The following RARS1 variants were observed in gnomAD, a reference collection of about 807,000 sequenced individuals.
RARS1 encodes the protein arginyl-tRNA synthetase 1.
Under a neutral mutation model 78.7 loss-of-function variants are expected in RARS1, and 75 were observed. The observed-to-expected ratio is 0.95, with a 90% CI of 0.79 to 1.15. RARS1 has a LOEUF of 1.15. Among genes scored for constraint, RARS1 ranks in the 50% most tolerant of loss-of-function variants. The probability of loss-of-function intolerance (pLI) is 0.00; values close to 1 mark genes in which losing one functional copy is unlikely to be tolerated. For synonymous variants in RARS1, 273 were observed against 268.2 expected (o/e 1.02, Z -0.18); for missense variants, 787 against 787.5 (o/e 1.00, Z 0.01).
chr5:168,512,062 G>C (rs1031020194), intron 12 of RARS1, among the ~76,000 whole-genome samples: 3 of 151,926 alleles, frequency 2.0e-5, no homozygotes, highest in Non-Finnish European at 2.9e-5. Flanking sequence ...ATGGAGTTTT[G>C]CCATGTTGGA....
Position 168,493,899 on chromosome 5 carries a change from C to A in RARS1, c.375C>A (p.Leu125=). 1 of 1,609,452 alleles carries A rather than the reference C, an allele frequency of 6.2e-7. No homozygotes were observed. The highest frequency in any genetic ancestry group is 8.5e-7 in the Non-Finnish European group (1 of 1,176,088). Residue 125 remains leucine, a synonymous_variant, in exon 4 of 15, where the codon CTC becomes CTA. Coordinates refer to ENST00000231572, the MANE Select transcript of RARS1 (RefSeq NM_002887.4). ...CATTTTATATTGTGTTGTAGATGCT[C>A]AAAACCAAGGAACAGAAAGTTAATC... ...CNSAMGISQM[L]KTKEQKVNPR...
At chr5:168,507,955 G>A (rs1055839038) in intron 11 of RARS1, among the ~76,000 whole-genome samples, 9 of 151,876 alleles carry the variant, frequency 5.9e-5, no homozygotes, top group Non-Finnish European at 1.2e-4. Flanking sequence ...GAGCATCGAC[G>A]TGGAAGTTAC....
At chr5:168,513,528 C>T (rs1758606532) in intron 12 of RARS1, among the ~76,000 whole-genome samples, 1 of 152,066 alleles carries the variant, frequency 6.6e-6, no homozygotes. Context: ...CCATGTTGGC[C>T]AGGCGGGTCT....
At chr5:168,503,727 G>A (rs2112326) in intron 9 of RARS1, among the ~76,000 whole-genome samples, 21,011 of 151,944 alleles carry the variant, frequency 0.14, 1,801 homozygotes, top group Non-Finnish European at 0.19. Context: ...CCTTGAATGG[G>A]AGTAGTATTT....
rs780854371 is a variant in RARS1 at position 168,488,625 on chromosome 5, T to A, written c.69T>A (p.Thr23=). The change falls in exon 2 of 15, where the codon ACT becomes ACA. Residue 23 remains threonine, a synonymous_variant. Coordinates refer to ENST00000231572, the MANE Select transcript of RARS1 (RefSeq NM_002887.4). ...AGGAAGAAGAGATTAAATCTCTGAC[T>A]GCTGAAATTGACCGGTTGAAAAACT... ...LQQEEEIKSL[T]AEIDRLKNCG... is the part of the protein sequence containing the mutation. 1 of 1,609,168 alleles carries A rather than the reference T, an allele frequency of 6.2e-7. No individual in the cohort carries two copies. The highest frequency in any genetic ancestry group is 8.5e-7 in the Non-Finnish European group (1 of 1,178,924).
At chr5:168,509,413 GTTATA>G (rs1249076075) in intron 11 of RARS1, among the ~76,000 whole-genome samples, 1 of 138,318 alleles carries the variant, frequency 7.2e-6, no homozygotes, top group Non-Finnish European at 1.5e-5. Flanking sequence ...ATGCTTCATT[GTTATA>G]TTTGAGGGAT....
intron 11 of RARS1, among the ~76,000 whole-genome samples, chr5:168,509,775 G>T (rs1758530940): frequency 6.6e-6 from 1 of 151,724 alleles, no homozygotes; most frequent in Non-Finnish European, 1.5e-5. Context: ...TTTGATAGGA[G>T]CCTGGGCAAC....
At chr5:168,489,878 A>G (rs560993053) in intron 2 of RARS1, among the ~76,000 whole-genome samples, 1 of 149,770 alleles carries the variant, frequency 6.7e-6, no homozygotes, top group East Asian at 2.0e-4. Flanking sequence ...GCAATGGCAC[A>G]ATCTCAGCTC....
chr5:168,504,062 GA>G (rs35643354), intron 9 of RARS1, among the ~76,000 whole-genome samples: 84,648 of 131,678 alleles, frequency 0.64, 26,629 homozygotes, highest in East Asian at 0.87. Flanking sequence ...CCCTGTCTCT[GA>G]AAAAAAAAAA....
intron 3 of RARS1, 112 bp from the exon 4 acceptor site, chr5:168,493,782 T>G: frequency 1.3e-6 from 1 of 760,118 alleles, no homozygotes; most frequent in Non-Finnish European, 2.2e-6. Flanking sequence ...TCTCTGCTTC[T>G]GCCTTTTGAT....
chr5:168,510,275 A>T (rs1169199483), intron 11 of RARS1, among the ~76,000 whole-genome samples: 1 of 152,228 alleles, frequency 6.6e-6, no homozygotes, highest in African/African-American at 2.4e-5. Context: ...AAACTTATTA[A>T]AGGTAAATAT....
At position 168,498,211 on chromosome 5, in the gene RARS1, A is replaced by G. The variant is rs1463039411; in HGVS notation, c.822+863A>G. Among the ~76,000 whole-genome samples the G allele has an allele frequency of 2.6e-5, 4 of 152,258 alleles. No homozygotes were observed. The East Asian group carries it at 7.7e-4, about 29-fold the overall frequency. ...ATGCCACTGCGCTCCAGCCTGGGTG[A>G]CAGAGCAAGACCTTATCTTAAAAGA... On this transcript the variant is annotated intron_variant, in intron 7 of 14. Transcript: ENST00000231572.
At chr5:168,517,794 G>A (rs1758702027) in intron 13 of RARS1, 21 bp from the exon 14 acceptor site, 1 of 1,546,366 alleles carries the variant, frequency 6.5e-7, no homozygotes, top group South Asian at 1.1e-5. Context: ...ATTGCCTGAT[G>A]ATTTTTTTGT....
chr5:168,505,714 G>GAAAAAAAAAAAAAAAAAAAAAA, intron 9 of RARS1, among the ~76,000 whole-genome samples: 1 of 114,248 alleles, frequency 8.8e-6, no homozygotes, highest in Non-Finnish European at 1.8e-5. Flanking sequence ...TATCAAAAAA[G>GAAAAAAAAAAAAAAAAAAAAAA]AAAAAAAAAA....
At chr5:168,502,148 A>G (rs764201444) in intron 9 of RARS1, 43 bp downstream of exon 9, 17 of 1,569,258 alleles carry the variant, frequency 1.1e-5, no homozygotes, top group Non-Finnish European at 1.4e-5. Flanking sequence ...AAATTTTCAA[A>G]CATAGGCAAA....
chr5:168,509,338 C>T (rs1758516168), intron 11 of RARS1, among the ~76,000 whole-genome samples: 1 of 151,608 alleles, frequency 6.6e-6, no homozygotes, highest in Non-Finnish European at 1.5e-5. Flanking sequence ...CTTGGGCAAG[C>T]TCTGGAAATA....
chr5:168,519,061 A>G lies in RARS1; in HGVS notation c.1874-20A>G, dbSNP rs1290033879. 3 of 1,583,904 alleles carry G rather than the reference A, an allele frequency of 1.9e-6. No homozygotes were observed. Among genetic ancestry groups the G allele is most frequent in the Non-Finnish European group, 2.6e-6 (3 of 1,160,130 alleles). On this transcript the variant is annotated intron_variant, in intron 14 of 14. Transcript: ENST00000231572. ...AAAAAGGAAAACAAGTTAATTAACA[A>G]CTTTTTTCTATCTTTTCAGGAAAAA...
intron 1 of RARS1, 84 bp downstream of exon 1, chr5:168,486,627 C>CCACCG: frequency 7.0e-7 from 1 of 1,436,170 alleles, no homozygotes; most frequent in Non-Finnish European, 9.5e-7. Context: ...GGGGGCGGGA[C>CCACCG]AGCTAGGCGA....
rs1758704232 is a variant in RARS1 at position 168,517,892 on chromosome 5, A to G, written c.1703A>G (p.His568Arg). The G allele has an allele frequency of 2.5e-6, 4 of 1,613,854 alleles. No homozygotes were observed. Among genetic ancestry groups the G allele is most frequent in the Non-Finnish European group, 3.4e-6 (4 of 1,179,992 alleles). The stretch of plus-strand genomic sequence containing the variant: ...CGAGAAACCAAGATTCTTTTGGATC[A>G]TGAGAAGGAATGGAAACTAGGCCGG... ...AARETKILLD[H>R]EKEWKLGRCI... The change falls in exon 14 of 15, where the codon CAT becomes CGT. Residue 568 changes from histidine (H) to arginine (R), a missense_variant. Coordinates refer to ENST00000231572, the MANE Select transcript of RARS1 (RefSeq NM_002887.4).
Sources: allele counts gnomAD v4.1 joint callset (sites outside exome capture counted in the v4.1 genomes callset), GRCh38; gene constraint gnomAD v4.1.1; transcripts MANE v1.5; gene names NCBI Gene and HGNC (gene_info 2026-07-23, HGNC 2026-07-21).